Variants in NRXN3 observed in about 807,000 individuals in gnomAD.
The protein encoded by NRXN3 is neurexin 3.
A neutral mutation model predicts 137.6 loss-of-function variants in NRXN3; 32 were observed. The ratio of observed to expected loss-of-function variants is 0.23; its 90% CI spans 0.18 to 0.31. The LOEUF is 0.31. NRXN3 is among the 10% of genes least tolerant of loss of function. NRXN3 has a pLI of 1.00. For missense variants in NRXN3, 1,574 were observed against 2,062.5 expected, an observed-to-expected ratio of 0.76 and a Z score of 4.59; for synonymous variants, 798 against 784.5, an observed-to-expected ratio of 1.02 and a Z score of -0.29.
chr14:78,254,735 A>T (rs1230514410), intron 2 of NRXN3, among the ~76,000 whole-genome samples: 1 of 151,798 alleles, frequency 6.6e-6, no homozygotes, highest in Non-Finnish European at 1.5e-5. Flanking sequence ...TGAAAAGGGG[A>T]TTGGATTAGA....
chr14:78,272,488 T>C (rs1379973102), intron 2 of NRXN3, among the ~76,000 whole-genome samples: 1 of 152,204 alleles, frequency 6.6e-6, no homozygotes, highest in African/African-American at 2.4e-5. Context: ...GACTCTTCAG[T>C]TCCTGGGCTG....
At chr14:78,522,738 C>G (rs2096303148) in intron 4 of NRXN3, among the ~76,000 whole-genome samples, 1 of 152,112 alleles carries the variant, frequency 6.6e-6, no homozygotes, top group South Asian at 2.1e-4. Flanking sequence ...TGTTTTCAAG[C>G]TGATTTTACC....
chr14:79,577,936 G>C (rs2097680443), intron 16 of NRXN3, among the ~76,000 whole-genome samples: 1 of 152,120 alleles, frequency 6.6e-6, no homozygotes, highest in South Asian at 2.1e-4. Flanking sequence ...CTTACTTGGG[G>C]TCTTTTACCT....
At chr14:79,043,377 G>A (rs1017312954) in intron 15 of NRXN3, among the ~76,000 whole-genome samples, 13 of 152,176 alleles carry the variant, frequency 8.5e-5, no homozygotes, top group Admixed American at 4.6e-4. Flanking sequence ...AGAAGGATGT[G>A]GGTGGAGGCG....
chr14:79,703,885 C>T (rs2098765158), intron 19 of NRXN3, among the ~76,000 whole-genome samples: 1 of 152,092 alleles, frequency 6.6e-6, no homozygotes, highest in South Asian at 2.1e-4. Flanking sequence ...AAAATTTTCA[C>T]ATAAGGAAAC....
At chr14:78,613,573 C>G (rs1282273615) in intron 4 of NRXN3, among the ~76,000 whole-genome samples, 1 of 141,136 alleles carries the variant, frequency 7.1e-6, no homozygotes, top group Admixed American at 7.3e-5. Context: ...TGTCTCACAA[C>G]CATAGTTTTT....
intron 19 of NRXN3, among the ~76,000 whole-genome samples, chr14:79,749,833 G>A (rs1349076470): frequency 2.0e-5 from 3 of 151,890 alleles, no homozygotes; most frequent in South Asian, 2.1e-4. Context: ...CATTCTTTGA[G>A]GTTATATCAT....
intron 19 of NRXN3, among the ~76,000 whole-genome samples, chr14:79,749,463 T>G (rs1253484815): frequency 6.6e-6 from 1 of 151,932 alleles, no homozygotes; most frequent in Non-Finnish European, 1.5e-5. Flanking sequence ...GACAGGGTAT[T>G]ACTATGTTGC....
At position 79,173,683 on chromosome 14, in the gene NRXN3, G is replaced by A. The variant is rs1433721707; in HGVS notation, c.3262+185542G>A. ...AAGTAACTGTGGCTTGGACAAATTA[G>A]GTGTCTTAATTTTTGACATGTAATA... On this transcript the variant is annotated intron_variant, in intron 15 of 20. Coordinates refer to ENST00000335750, the MANE Select transcript of NRXN3 (RefSeq NM_001330195.2). Among the ~76,000 whole-genome samples the A allele has an allele frequency of 3.9e-5, 6 of 152,208 alleles. No individual in the cohort carries two copies. The East Asian group carries it at 7.7e-4, about 20-fold the overall frequency.
intron 15 of NRXN3, among the ~76,000 whole-genome samples, chr14:79,320,670 G>C (rs186629495): frequency 6.6e-6 from 1 of 152,064 alleles, no homozygotes; most frequent in Non-Finnish European, 1.5e-5. Context: ...AAAGAAAAAG[G>C]GTATCTGTGG....
intron 4 of NRXN3, among the ~76,000 whole-genome samples, chr14:78,373,489 C>G (rs1361359400): frequency 6.6e-6 from 1 of 152,188 alleles, no homozygotes; most frequent in Non-Finnish European, 1.5e-5. Flanking sequence ...ATCTGTAAAT[C>G]AGGGGTAAAG....
intron 20 of NRXN3, among the ~76,000 whole-genome samples, chr14:79,812,965 T>G (rs1443621770): frequency 6.6e-6 from 1 of 152,156 alleles, no homozygotes; most frequent in African/African-American, 2.4e-5. Flanking sequence ...ACATTTTTCT[T>G]CCATAAGCCC....
At chr14:78,662,971 TGAA>T (rs2097853041) in intron 6 of NRXN3, among the ~76,000 whole-genome samples, 1 of 152,242 alleles carries the variant, frequency 6.6e-6, no homozygotes, top group African/African-American at 2.4e-5. Flanking sequence ...TGAACACATG[TGAA>T]ATGTGTGTCT....
chr14:78,937,154 G>T (rs154342), intron 10 of NRXN3, among the ~76,000 whole-genome samples: 2 of 147,514 alleles, frequency 1.4e-5, no homozygotes, highest in Non-Finnish European at 3.0e-5. Flanking sequence ...CCCAAGAGGC[G>T]TAGGTTGCAG....
intron 16 of NRXN3, among the ~76,000 whole-genome samples, chr14:79,658,731 A>G (rs868294647): frequency 9.9e-5 from 15 of 152,190 alleles, no homozygotes; most frequent in Admixed American, 5.9e-4. Context: ...CACAAGAGGC[A>G]TTATTTACAT....
At chr14:79,203,467 G>A (rs555721867) in intron 15 of NRXN3, among the ~76,000 whole-genome samples, 10 of 152,102 alleles carry the variant, frequency 6.6e-5, no homozygotes, top group Admixed American at 4.6e-4. Context: ...AAATCCCTGC[G>A]GCACACCCCT....
chr14:79,857,716 T>A (rs968728648), intron 20 of NRXN3, among the ~76,000 whole-genome samples: 1 of 152,196 alleles, frequency 6.6e-6, no homozygotes, highest in Non-Finnish European at 1.5e-5. Flanking sequence ...TTATCTAAAA[T>A]GTTCTACCTA....
intron 15 of NRXN3, among the ~76,000 whole-genome samples, chr14:79,282,263 C>T (rs1355067272): frequency 6.6e-6 from 1 of 152,026 alleles, no homozygotes; most frequent in Non-Finnish European, 1.5e-5. Context: ...ATAGGGGAAG[C>T]CAGAGAGACT....
At chr14:79,143,887 G>A (rs2059045994) in intron 15 of NRXN3, among the ~76,000 whole-genome samples, 1 of 152,190 alleles carries the variant, frequency 6.6e-6, no homozygotes, top group East Asian at 1.9e-4. Flanking sequence ...GGAGTAAGCA[G>A]ATTTTTTTTA....
Sources: allele counts gnomAD v4.1 joint callset (sites outside exome capture counted in the v4.1 genomes callset), GRCh38; gene constraint gnomAD v4.1.1; transcripts MANE v1.5; gene names NCBI Gene and HGNC (gene_info 2026-07-23, HGNC 2026-07-21).